Variants in FAM169A observed in about 807,000 individuals in gnomAD.
FAM169A encodes the protein soluble lamin-associated protein of 75 kDa.
Under a neutral mutation model 75.7 loss-of-function variants are expected in FAM169A, and 24 were observed. The ratio of observed to expected loss-of-function variants is 0.32; its 90% confidence interval spans 0.23 to 0.45. The LOEUF (loss-of-function observed/expected upper bound fraction) is 0.45, where lower values mean the gene tolerates loss of function less well. Among genes scored for constraint, FAM169A ranks in the 20% least tolerant of loss-of-function variants. The pLI, the probability that FAM169A is intolerant of heterozygous loss-of-function variation, is 1.00. For missense variants in FAM169A, 673 were observed against 784.0 expected (o/e 0.86, Z 1.69); for synonymous variants, 271 against 271.0 (o/e 1.00, Z 0.00).
intron 5 of FAM169A, among the ~76,000 whole-genome samples, chr5:74,827,367 G>A (rs902389571): frequency 7.9e-5 from 12 of 151,862 alleles, no homozygotes; most frequent in Middle Eastern, 3.4e-3. Context: ...TCTTCTCCTT[G>A]CACTAATATT....
intron 5 of FAM169A, among the ~76,000 whole-genome samples, chr5:74,825,750 G>A (rs967767605): frequency 2.0e-5 from 3 of 152,114 alleles, no homozygotes; most frequent in Non-Finnish European, 4.4e-5. Context: ...TAGTATTCAT[G>A]TTGCTGTTGA....
chr5:74,842,420 CAAAAAAAAAAAAAAAAAAAAAAA>C (rs56653446), intron 1 of FAM169A, among the ~76,000 whole-genome samples: 2 of 22,462 alleles, frequency 8.9e-5, no homozygotes, highest in African/African-American at 1.6e-4. Context: ...GACTCTATCA[CAAAAAAAAAAAAAAAAAAAAAAA>C]AAAAAAAAAA....
At chr5:74,861,954 T>A (rs1750059194) in intron 1 of FAM169A, among the ~76,000 whole-genome samples, 1 of 152,216 alleles carries the variant, frequency 6.6e-6, no homozygotes, top group Non-Finnish European at 1.5e-5. Flanking sequence ...CTATCCCTCA[T>A]TTATACAACC....
intron 9 of FAM169A, 39 bp from the exon 10 acceptor site, chr5:74,801,069 T>C: frequency 2.8e-6 from 4 of 1,453,956 alleles, no homozygotes; most frequent in Non-Finnish European, 2.7e-6. Flanking sequence ...TAATTGATTA[T>C]ATATTAAAAG....
chr5:74,853,701 ATT>A (rs34017579), intron 1 of FAM169A, among the ~76,000 whole-genome samples: 1,795 of 110,080 alleles, frequency 0.016, 14 homozygotes, highest in African/African-American at 0.066. Flanking sequence ...CATCTTCAGA[ATT>A]TTTTTTTTTT....
Position 74,840,095 on chromosome 5 carries a change from C to T in FAM169A, c.211G>A (p.Ala71Thr). Reference protein sequence around the residue: ...DQTQKILALFAPEDSLTAVAL... With the variant: ...DQTQKILALFTPEDSLTAVAL... ...AGACCTGTCAGTGAATCTTCAGGTG[C>T]AAAGAGAGCAAGAATTTTCTGGGTC... Residue 71 changes from alanine (A) to threonine (T), a missense_variant, in exon 3 of 13, where the codon GCA becomes ACA. This residue lies in a region of FAM169A where 107 missense variants were observed against 180.8 expected (regional missense o/e 0.59). Transcript: ENST00000687041. The T allele has an allele frequency of 6.3e-7, 1 of 1,589,514 alleles. No individual in the cohort carries two copies. Among genetic ancestry groups the T allele is most frequent in the Non-Finnish European group, 8.6e-7 (1 of 1,166,238 alleles).
intron 10 of FAM169A, chr5:74,798,945 C>G: frequency 1.2e-6 from 1 of 864,084 alleles, no homozygotes; most frequent in South Asian, 1.3e-5. Flanking sequence ...CCAAGACCGT[C>G]CGGACTGCCC....
chr5:74,789,387 G>C (rs975138275), intron 11 of FAM169A, among the ~76,000 whole-genome samples: 2 of 152,226 alleles, frequency 1.3e-5, no homozygotes, highest in Non-Finnish European at 2.9e-5. Context: ...AGGATAGGAT[G>C]CTGCATTTGG....
intron 5 of FAM169A, among the ~76,000 whole-genome samples, chr5:74,822,834 T>C (rs562980106): frequency 6.6e-6 from 1 of 152,228 alleles, no homozygotes; most frequent in East Asian, 1.9e-4. Context: ...CTATTCCCAA[T>C]CTTAATTAAC....
At chr5:74,830,670 T>C (rs1311717313) in intron 5 of FAM169A, among the ~76,000 whole-genome samples, 5 of 152,146 alleles carry the variant, frequency 3.3e-5, no homozygotes, top group Non-Finnish European at 7.4e-5. Context: ...TGACTATACA[T>C]CACATATCTA....
intron 1 of FAM169A, among the ~76,000 whole-genome samples, chr5:74,864,770 GATC>G (rs1333204290): frequency 9.2e-5 from 14 of 152,158 alleles, no homozygotes; most frequent in Non-Finnish European, 2.1e-4. Context: ...TGTGAAAGAC[GATC>G]ATGTTTTATC....
chr5:74,802,688 T>C lies in FAM169A; in HGVS notation c.913-1059A>G, dbSNP rs767822104. 4.7e-4 allele frequency among the ~76,000 whole-genome samples: 71 copies of C among 152,178 alleles called. 1 individual carries two copies. Among genetic ancestry groups the C allele is most frequent in the Non-Finnish European group, 1.6e-4 (11 of 68,004 alleles). ...CCCATGTCTAAGAACCATATCTTTA[T>C]ATGTCCAATGCTTGCCATAGTAACT... is the stretch of plus-strand genomic sequence containing the variant. On this transcript the variant is annotated intron_variant, in intron 8 of 12. Transcript: ENST00000687041.
In FAM169A at chr5:74,780,655, C is replaced by T. The variant is rs953044232; in HGVS notation, c.*805G>A. On this transcript the variant is annotated 3_prime_UTR_variant, in exon 13 of 13. Coordinates refer to ENST00000687041, the MANE Select transcript of FAM169A (RefSeq NM_001376049.1). ...TCCAAAGTATAGTTGTGATTTTTACCTGATTAAAGGTGAAAGTCTAAACTT... is the reference window on the plus strand; with the variant it reads ...TCCAAAGTATAGTTGTGATTTTTACTTGATTAAAGGTGAAAGTCTAAACTT... The T allele has an allele frequency of 6.6e-6, 1 of 152,072 alleles. No homozygotes were observed. Among genetic ancestry groups the T allele is most frequent in the African/African-American group, 2.4e-5 (1 of 41,420 alleles). 9.4% of individuals were successfully genotyped at this position (152,072 alleles called of 1,614,324 possible). A position where few individuals can be genotyped will look rare whatever the true frequency, so the allele number is the denominator to read the frequency against.
chr5:74,817,261 C>A (rs1747516723), intron 5 of FAM169A, among the ~76,000 whole-genome samples: 1 of 151,898 alleles, frequency 6.6e-6, no homozygotes, highest in Non-Finnish European at 1.5e-5. Context: ...AAAACAGTCT[C>A]TATTTGCAGG....
At chr5:74,809,672 ACTTTACTTGT>A (rs960982000) in intron 6 of FAM169A, among the ~76,000 whole-genome samples, 9 of 152,164 alleles carry the variant, frequency 5.9e-5, no homozygotes, top group African/African-American at 2.2e-4. Flanking sequence ...GTGAACAAAC[ACTTTACTTGT>A]TCTACCCTTT....
At chr5:74,798,673 T>C (rs1469930405) in intron 10 of FAM169A, among the ~76,000 whole-genome samples, 3 of 152,190 alleles carry the variant, frequency 2.0e-5, no homozygotes, top group Non-Finnish European at 4.4e-5. Flanking sequence ...GGCAGAACTG[T>C]TAGGGCAGAA....
chr5:74,828,839 A>G (rs1051290937), intron 5 of FAM169A, among the ~76,000 whole-genome samples: 1 of 152,158 alleles, frequency 6.6e-6, no homozygotes, highest in Non-Finnish European at 1.5e-5. Context: ...GGTGTTTGCA[A>G]GAGAGAGTAG....
intron 5 of FAM169A, among the ~76,000 whole-genome samples, chr5:74,817,485 A>C (rs961159145): frequency 1.3e-5 from 2 of 152,100 alleles, no homozygotes; most frequent in African/African-American, 2.4e-5. Flanking sequence ...GACATACAAA[A>C]CTTGTACAAT....
intron 1 of FAM169A, among the ~76,000 whole-genome samples, chr5:74,850,634 T>C (rs144424866): frequency 1.5e-4 from 23 of 152,098 alleles, no homozygotes; most frequent in Admixed American, 5.2e-4. Context: ...ACAGAACACA[T>C]AGAGGAAAAT....
Sources: gnomAD v4.1 joint callset for allele counts (sites outside exome capture counted in the v4.1 genomes callset) on GRCh38, gnomAD v4.1.1 for gene constraint, gnomAD v4.1.1 regional missense constraint, MANE v1.5 for transcripts, NCBI Gene and HGNC (gene_info 2026-07-23, HGNC 2026-07-21) for gene names.